INSRR: variants seen among roughly 807,000 people sequenced by gnomAD.
INSRR encodes insulin receptor-related protein.
INSRR carries 114 observed loss-of-function variants against 130.0 expected under a neutral mutation model. The ratio of observed to expected loss-of-function variants is 0.88; its 90% CI spans 0.75 to 1.02. The LOEUF (loss-of-function observed/expected upper bound fraction) is 1.02. INSRR is among the 50% of genes least tolerant of loss of function. The pLI, the probability that INSRR is intolerant of heterozygous loss-of-function variation, is 0.00. For synonymous variants in INSRR, 674 were observed against 705.2 expected (o/e 0.96, Z 0.70); for missense variants, 1,657 against 1,735.2 (o/e 0.95, Z 0.80).
chr1:156,851,170 A>C, intron 5 of INSRR, 120 bp downstream of exon 5: 1 of 1,036,610 alleles, frequency 9.6e-7, no homozygotes, highest in Non-Finnish European at 1.5e-6. Context: ...TAACCTACTT[A>C]GAGTCACACG....
Position 156,851,396 on chromosome 1 carries a change from C to A in INSRR, c.1123G>T (p.Val375Leu). 6.2e-7 allele frequency: 1 copy of A among 1,614,180 alleles called. No individual in the cohort carries two copies. Among genetic ancestry groups the A allele is most frequent in the South Asian group, 1.1e-5 (1 of 91,078 alleles). The change falls in exon 5 of 22, where the codon GTA becomes TTA. Residue 375 changes from valine to leucine, a missense_variant. Coordinates refer to ENST00000368195, the MANE Select transcript of INSRR (RefSeq NM_014215.3). Reference sequence around the variant, plus strand: ...TTGAGGAAGCCAGTAATGGTTTCTACCAGCCCCAGGCTGTGCTGCAGCTGT... The same window carrying A: ...TTGAGGAAGCCAGTAATGGTTTCTAACAGCCCCAGGCTGTGCTGCAGCTGT... ...EPQLQHSLGL[V>L]ETITGFLKIK...
intron 5 of INSRR, among the ~76,000 whole-genome samples, chr1:156,850,887 C>T (rs1313653169): frequency 3.3e-5 from 5 of 152,120 alleles, no homozygotes; most frequent in Non-Finnish European, 5.9e-5. Flanking sequence ...ATGCTGGCTA[C>T]ATTATAGGTA....
chr1:156,849,007 C>T lies in INSRR; in HGVS notation c.1485G>A (p.Glu495=), dbSNP rs772881535. 11 of 1,613,304 alleles carry T rather than the reference C, an allele frequency of 6.8e-6. No homozygotes were observed. The change falls in exon 7 of 22, where the codon GAG becomes GAA. Residue 495 remains glutamate (E), a synonymous_variant. Transcript: ENST00000368195. The part of the protein sequence containing the change: ...RTLRFVSNVT[E]ADRILLRWER... ...CCCAGCGTAGCAGGATGCGGTCTGC[C>T]TCCGTCACGTTGGACACGAAGCGCA...
At chr1:156,851,862 G>T (rs769680140) in intron 3 of INSRR, 26 bp downstream of exon 3, 2 of 1,574,380 alleles carry the variant, frequency 1.3e-6, no homozygotes, top group South Asian at 2.4e-5. Flanking sequence ...TGCTCCCAGG[G>T]TGCCCCCCAC....
Position 156,841,006 on chromosome 1 carries a change from A to G in INSRR, c.3761T>C (p.Phe1254Ser), listed in dbSNP as rs146201749. The G allele has an allele frequency of 1.1e-4, 184 of 1,611,632 alleles. No homozygotes were observed. The highest frequency in any genetic ancestry group is 6.0e-4 in the Admixed American group (36 of 59,640). ...GCTGTAGTAGAAGGAGAGGAGGCGG[A>G]AGGAGGGCCGCAGCTCCTCCTGTAT... Reference protein sequence around the residue: ...DSIQEELRPSFRLLSFYYSPE... With the variant: ...DSIQEELRPSSRLLSFYYSPE... Residue 1254 changes from phenylalanine to serine, a missense_variant, in exon 22 of 22, where the codon TTC becomes TCC. Phe to Ser is a radical substitution (Grantham distance 155). Transcript: ENST00000368195.
chr1:156,841,328 TG>T, intron 21 of INSRR, 65 bp downstream of exon 21: 2 of 1,074,740 alleles, frequency 1.9e-6, no homozygotes, highest in African/African-American at 5.3e-5. Flanking sequence ...GCCAGAATCA[TG>T]GGGCCGGGTG....
rs1441776045 is a variant in INSRR, at chr1:156,856,630, TGGG to T, written c.85+1904_85+1906del. 9.9e-5 allele frequency among the ~76,000 whole-genome samples: 15 copies of T among 152,140 alleles called. 1 individual carries two copies. Among genetic ancestry groups the T allele is most frequent in the Admixed American group, 7.2e-4 (11 of 15,274 alleles). On this transcript the variant is annotated intron_variant, in intron 1 of 21. Transcript: ENST00000368195. ...AGTCCAGCGCCCACATCACATTACC[TGGG>T]GGCATGGCTCCAAAATTGTTGTATA...
chr1:156,844,186 G>A lies in INSRR; in HGVS notation c.2832C>T (p.Tyr944=), dbSNP rs145379996. The change falls in exon 15 of 22, where the codon TAC becomes TAT. Residue 944 remains tyrosine, a synonymous_variant. Coordinates refer to ENST00000368195, the MANE Select transcript of INSRR (RefSeq NM_014215.3). ...GGACTTATCATCACCTCTTCTTGCC[G>A]TAGAAGAAACCAAGGGCAGCAAGAA... ...LIVLAALGFF[Y]GKKRNRTLYA... is the part of the protein sequence containing the mutation. 2.9e-4 allele frequency: 472 copies of A among 1,612,974 alleles called. 1 individual carries two copies. Among genetic ancestry groups the A allele is most frequent in the Non-Finnish European group, 3.7e-4 (441 of 1,179,198 alleles).
chr1:156,850,530 C>CTTTTT (rs1558089282), intron 5 of INSRR, among the ~76,000 whole-genome samples: 2 of 107,192 alleles, frequency 1.9e-5, no homozygotes, highest in African/African-American at 7.7e-5. Context: ...TAATTTAAAA[C>CTTTTT]ATTCTTTTTT....
chr1:156,845,830 G>A lies in INSRR; in HGVS notation c.1979-16C>T. The A allele has an allele frequency of 1.9e-6, 3 of 1,610,334 alleles. No individual in the cohort carries two copies. The highest frequency in any genetic ancestry group is 2.5e-6 in the Non-Finnish European group (3 of 1,179,016). ...AGCCGCAAGCCTGGCGCCGCAGCGG[G>A]AAGACACTAGTAAGACAGGCGGTCT... On this transcript the variant is annotated splice_polypyrimidine_tract_variant and intron_variant, in intron 9 of 21. Coordinates refer to ENST00000368195, the MANE Select transcript of INSRR (RefSeq NM_014215.3).
chr1:156,851,774 T>C lies in INSRR; in HGVS notation c.956A>G (p.Lys319Arg), dbSNP rs1278674620. The change falls in exon 4 of 22, where the codon AAG becomes AGG. Residue 319 changes from lysine to arginine, a missense_variant. Coordinates refer to ENST00000368195, the MANE Select transcript of INSRR (RefSeq NM_014215.3). ...CTCTTTAGGGCACAGCCCCTCGCAC[T>C]TGTGGCAGAATATGCTAGCAGGAGC... ...TRNSSSIFCH[K>R]CEGLCPKECK... 6.2e-7 allele frequency: 1 copy of C among 1,610,346 alleles called. No individual in the cohort carries two copies. The highest frequency in any genetic ancestry group is 8.5e-7 in the Non-Finnish European group (1 of 1,177,098).
In INSRR at chr1:156,840,541, A is replaced by G. The variant is rs1475018707; in HGVS notation, c.*332T>C. ...CCTGTCCAGAGGAGACCCCAAACTG[A>G]GGGGCAGGGCCTCTAGGGTGGGCGG... On this transcript the variant is annotated 3_prime_UTR_variant, in exon 22 of 22. Coordinates refer to ENST00000368195, the MANE Select transcript of INSRR (RefSeq NM_014215.3). 10 of 350,372 alleles carry G rather than the reference A, an allele frequency of 2.9e-5. No homozygotes were observed. Among genetic ancestry groups the G allele is most frequent in the Non-Finnish European group, 5.4e-5 (10 of 186,266 alleles). 21.7% of individuals were successfully genotyped at this position (350,372 alleles called of 1,614,324 possible). A position where few individuals can be genotyped will look rare whatever the true frequency, so the allele number is the denominator to read the frequency against.
At position 156,858,838 on chromosome 1, in the gene INSRR, A is replaced by G. The variant is rs918682322; in HGVS notation, c.-217T>C. The G allele has an allele frequency of 6.7e-5, 39 of 585,672 alleles. No individual in the cohort carries two copies. The highest frequency in any genetic ancestry group is 5.9e-4 in the African/African-American group (32 of 53,818). The allele number at this position is 585,672 out of a possible 1,614,324, so 36.3% of individuals were successfully genotyped here. On this transcript the variant is annotated 5_prime_UTR_variant, in exon 1 of 22. Transcript: ENST00000368195. Reference sequence around the variant, plus strand: ...AAGACAGTGACAGGCAGTTGGAGACAGAGAGACTCAGCATGAGATTGAGAG... The same window carrying G: ...AAGACAGTGACAGGCAGTTGGAGACGGAGAGACTCAGCATGAGATTGAGAG...
chr1:156,840,971 GGC>G lies in INSRR; in HGVS notation c.3794_3795del (p.Cys1265SerfsTer15), dbSNP rs1558082530. ...RLLSFYYSPE[C>X]RGARGSLPTT... ...GTAGGCAGGGAGCCCCGGGCCCCCC[GGC>G]ATTCCGGGCTGTAGTAGAAGGAGAG... On this transcript the variant is annotated frameshift_variant, in exon 22 of 22. Transcript: ENST00000368195. LOFTEE classifies it low-confidence loss of function (END_TRUNC). 1.2e-6 allele frequency: 2 copies of G among 1,613,732 alleles called. No homozygotes were observed. The highest frequency in any genetic ancestry group is 1.1e-5 in the South Asian group (1 of 90,980).
At chr1:156,851,816 C>T in intron 3 of INSRR, 28 bp from the exon 4 acceptor site, 3 of 1,594,814 alleles carry the variant, frequency 1.9e-6, no homozygotes, top group Non-Finnish European at 2.6e-6. Context: ...ATGTCCTGAG[C>T]CTTGGACCAG....
At position 156,845,123 on chromosome 1, in the gene INSRR, A is replaced by G; in HGVS notation, c.2390T>C (p.Val797Ala). 6.2e-7 allele frequency: 1 copy of G among 1,611,584 alleles called. No individual in the cohort carries two copies. Among genetic ancestry groups the G allele is most frequent in the South Asian group, 1.1e-5 (1 of 90,576 alleles). Residue 797 changes from valine to alanine, a missense_variant, in exon 12 of 22, where the codon GTG becomes GCG. Transcript: ENST00000368195. ...GACGAAGGTGGCGGCGCTGCAGCCC[A>G]CGGTGTGCGCCGCGTGGTTGCAGGC... ...IHACNHAAHT[V>A]GCSAATFVFA...
rs1655322505 is a variant in INSRR, at chr1:156,853,977, C to T, written c.412G>A (p.Ala138Thr). The change falls in exon 2 of 22, where the codon GCT (alanine) becomes ACT (threonine). Residue 138 changes from alanine (A) to threonine (T), a missense_variant. Ala to Thr is a moderately conservative substitution (Grantham distance 58). Coordinates refer to ENST00000368195, the MANE Select transcript of INSRR (RefSeq NM_014215.3). Reference sequence around the variant, plus strand: ...TCCTGGTTCTTCTCCACACGCACAGCCCCACGCAGCACGGCCCCAAGTGCA... The same window carrying T: ...TCCTGGTTCTTCTCCACACGCACAGTCCCACGCAGCACGGCCCCAAGTGCA... ...LPALGAVLRG[A>T]VRVEKNQELC... 3 of 1,613,318 alleles carry T rather than the reference C, an allele frequency of 1.9e-6. No homozygotes were observed. The highest frequency in any genetic ancestry group is 8.5e-7 in the Non-Finnish European group (1 of 1,179,466).
At position 156,851,887 on chromosome 1, in the gene INSRR, C is replaced by T; in HGVS notation, c.941+1G>A. 4 of 1,580,588 alleles carry T rather than the reference C, an allele frequency of 2.5e-6. No individual in the cohort carries two copies. The highest frequency in any genetic ancestry group is 2.6e-6 in the Non-Finnish European group (3 of 1,159,198). On this transcript the variant is annotated splice_donor_variant, in intron 3 of 21. Coordinates refer to ENST00000368195, the MANE Select transcript of INSRR (RefSeq NM_014215.3). LOFTEE classifies it high-confidence loss of function. ...GTGCCCCCCACCCTCCCTACACTCA[C>T]CTGCTGCTATTACGGGTGAAGCCAG...
chr1:156,857,958 TAG>T (rs1459867657), intron 1 of INSRR, among the ~76,000 whole-genome samples: 1 of 152,088 alleles, frequency 6.6e-6, no homozygotes, highest in Non-Finnish European at 1.5e-5. Flanking sequence ...GGGCAGTATC[TAG>T]CCTGGGGGAC....
Sources: gnomAD v4.1 joint callset for allele counts (sites outside exome capture counted in the v4.1 genomes callset) on GRCh38, gnomAD v4.1.1 for gene constraint, MANE v1.5 for transcripts, NCBI Gene and HGNC (gene_info 2026-07-23, HGNC 2026-07-21) for gene names.